Variants in RAB33B observed in about 807,000 individuals in gnomAD.
The protein encoded by RAB33B is RAB33B, member RAS oncogene family.
In RAB33B, 6 loss-of-function variants were observed where a neutral mutation model predicts 15.0. That is an observed-to-expected ratio of 0.40 (90% CI 0.22 to 0.79). RAB33B has a LOEUF of 0.79. Among genes scored for constraint, RAB33B ranks in the 30% least tolerant of loss-of-function variants. The probability of loss-of-function intolerance (pLI) is 0.37; values close to 1 mark genes in which losing one functional copy is unlikely to be tolerated. For missense variants in RAB33B, 257 were observed against 296.4 expected (o/e 0.87, Z 0.98); for synonymous variants, 117 against 108.3 (o/e 1.08, Z -0.50).
At chr4:139,448,822 G>A (rs1226618239), upstream of RAB33B, 1 of 152,214 alleles carries the variant, frequency 6.6e-6, no homozygotes, top group Non-Finnish European at 1.5e-5. Flanking sequence ...TGTTTTGAAT[G>A]TGTGCATGTG....
chr4:139,467,753 G>A (rs1473176105), intron 1 of RAB33B, among the ~76,000 whole-genome samples: 1 of 151,808 alleles, frequency 6.6e-6, no homozygotes, highest in Non-Finnish European at 1.5e-5. Flanking sequence ...AGCTACTCAG[G>A]TGGCTGAGGC....
chr4:139,447,043 C>T, the RAB33B span, among the ~76,000 whole-genome samples: 1 of 152,204 alleles, frequency 6.6e-6, no homozygotes, highest in African/African-American at 2.4e-5. Flanking sequence ...GCCAAGACTA[C>T]TATCTGTGGA....
upstream of RAB33B, chr4:139,450,347 C>G (rs1281026759): frequency 6.6e-6 from 1 of 152,204 alleles, no homozygotes; most frequent in African/African-American, 2.4e-5. Flanking sequence ...GCCAGCAAGG[C>G]CAATGCCATA....
At chr4:139,456,649 A>G (rs1474739320) in intron 1 of RAB33B, among the ~76,000 whole-genome samples, 2 of 152,184 alleles carry the variant, frequency 1.3e-5, no homozygotes, top group Admixed American at 1.3e-4. Context: ...ATTGATATGG[A>G]CTTGAATACT....
chr4:139,466,845 G>T (rs1750297293), intron 1 of RAB33B, among the ~76,000 whole-genome samples: 1 of 151,596 alleles, frequency 6.6e-6, no homozygotes, highest in African/African-American at 2.4e-5. Context: ...CTCCCAAAGT[G>T]CTGGGATTAC....
the RAB33B span, among the ~76,000 whole-genome samples, chr4:139,446,151 G>A: frequency 3.3e-5 from 5 of 152,148 alleles, no homozygotes; most frequent in Non-Finnish European, 7.3e-5. Context: ...ATGAGGAAGT[G>A]GCTCAAATGC....
the RAB33B span, among the ~76,000 whole-genome samples, chr4:139,447,706 G>A: frequency 1.3e-4 from 15 of 119,064 alleles, no homozygotes; most frequent in African/African-American, 2.0e-4. Context: ...TCGCTCTGTC[G>A]CCCAGGCTGG....
the RAB33B span, among the ~76,000 whole-genome samples, chr4:139,441,552 C>A: frequency 6.6e-6 from 1 of 152,106 alleles, no homozygotes; most frequent in Non-Finnish European, 1.5e-5. Context: ...TCAATAAATT[C>A]TACAGTTCTA....
Position 139,473,110 on chromosome 4 carries a change from T to A in RAB33B, c.674T>A (p.Met225Lys). Residue 225 changes from methionine to lysine, a missense_variant, in exon 2 of 2, where the codon ATG becomes AAG. Physicochemically the swap from Met to Lys is moderately conservative, Grantham distance 95 (BLOSUM62 -1). Coordinates refer to ENST00000305626, the MANE Select transcript of RAB33B (RefSeq NM_031296.3). ...CTGAAGCCTGAACCAAAGCCTGCAA[T>A]GACGTGCTGGTGCTAAATAACAGTC... ...IILKPEPKPA[M>K]TCWC The A allele has an allele frequency of 6.2e-7, 1 of 1,601,406 alleles. No individual in the cohort carries two copies. The highest frequency in any genetic ancestry group is 1.3e-5 in the African/African-American group (1 of 74,274).
At chr4:139,455,470 T>C (rs1750051868) in intron 1 of RAB33B, among the ~76,000 whole-genome samples, 1 of 152,148 alleles carries the variant, frequency 6.6e-6, no homozygotes, top group South Asian at 2.1e-4. Context: ...GCAAGAACAA[T>C]TTATTTTTCA....
At chr4:139,464,458 G>A (rs1750242009) in intron 1 of RAB33B, among the ~76,000 whole-genome samples, 1 of 123,570 alleles carries the variant, frequency 8.1e-6, no homozygotes, top group South Asian at 2.8e-4. Flanking sequence ...TGTTACATAT[G>A]TATACATGTG....
At chr4:139,450,824 T>C (rs1579168861), upstream of RAB33B, 1 of 151,576 alleles carries the variant, frequency 6.6e-6, no homozygotes, top group Non-Finnish European at 1.5e-5. Flanking sequence ...AGGTGGCATA[T>C]CTAGTTAAAA....
chr4:139,469,337 G>T (rs1320175356), intron 1 of RAB33B, among the ~76,000 whole-genome samples: 1 of 152,024 alleles, frequency 6.6e-6, no homozygotes, highest in South Asian at 2.1e-4. Flanking sequence ...GATCAGTTCT[G>T]CTGTTAAAGG....
the RAB33B span, among the ~76,000 whole-genome samples, chr4:139,439,357 T>A: frequency 6.6e-6 from 1 of 152,238 alleles, no homozygotes; most frequent in Non-Finnish European, 1.5e-5. Context: ...TTGACTATAT[T>A]AGCTCATTGT....
At chr4:139,454,557 CTGA>C (rs1389618622) in intron 1 of RAB33B, 113 bp downstream of exon 1, 2 of 1,224,560 alleles carry the variant, frequency 1.6e-6, no homozygotes, top group East Asian at 2.5e-5. Context: ...TTTTCTCACG[CTGA>C]TGAGATTGGA....
At chr4:139,441,802 A>C in the RAB33B span, among the ~76,000 whole-genome samples, 10 of 152,238 alleles carry the variant, frequency 6.6e-5, no homozygotes, top group Non-Finnish European at 8.8e-5. Flanking sequence ...TTGTCTGTAC[A>C]TAAGACAGAC....
intron 1 of RAB33B, among the ~76,000 whole-genome samples, chr4:139,466,567 C>G (rs577414159): frequency 1.3e-5 from 2 of 151,458 alleles, no homozygotes; most frequent in South Asian, 4.2e-4. Flanking sequence ...TTTCAAGGGT[C>G]TTTTCTTTTC....
the RAB33B span, among the ~76,000 whole-genome samples, chr4:139,445,967 G>A: frequency 6.6e-6 from 1 of 152,142 alleles, no homozygotes; most frequent in Admixed American, 6.6e-5. Context: ...GAAACGGAAC[G>A]TTTGACTATG....
At chr4:139,467,982 G>A (rs1235705016) in intron 1 of RAB33B, among the ~76,000 whole-genome samples, 15 of 135,214 alleles carry the variant, frequency 1.1e-4, no homozygotes, top group African/African-American at 1.7e-4. Context: ...TTTTGTACCC[G>A]TTAACCATCC....
Sources: allele counts gnomAD v4.1 joint callset (sites outside exome capture counted in the v4.1 genomes callset), GRCh38; gene constraint gnomAD v4.1.1; transcripts MANE v1.5; gene names NCBI Gene and HGNC (gene_info 2026-07-23, HGNC 2026-07-21).